The following KANSL3 variants were observed in gnomAD, a reference collection of about 807,000 sequenced individuals.
KANSL3 encodes KAT8 regulatory NSL complex subunit 3, also known as NSL complex protein NSL3.
In KANSL3, 16 loss-of-function variants were observed where a neutral mutation model predicts 89.2. The observed-to-expected ratio is 0.18, with a 90% confidence interval of 0.12 to 0.27. The LOEUF (loss-of-function observed/expected upper bound fraction) is 0.27, where lower values mean the gene tolerates loss of function less well. Ranked by LOEUF, KANSL3 falls within the 10% of genes least tolerant of loss-of-function variation. The probability of loss-of-function intolerance (pLI) is 1.00; values close to 1 mark genes in which losing one functional copy is unlikely to be tolerated. For synonymous variants in KANSL3, 385 were observed against 419.7 expected, an observed-to-expected ratio of 0.92 and a Z score of 1.01; for missense variants, 879 against 1,110.6, an observed-to-expected ratio of 0.79 and a Z score of 2.96.
the KANSL3 span, among the ~76,000 whole-genome samples, chr2:96,583,979 T>C: frequency 6.6e-6 from 1 of 152,232 alleles, no homozygotes; most frequent in Admixed American, 6.5e-5. Flanking sequence ...CTGAAAACTC[T>C]TTCATGTGCA....
chr2:96,608,574 T>C lies in KANSL3; in HGVS notation c.1675A>G (p.Ser559Gly). ...TSAQKSSQIG[S>G]SQLLKRHVQR... ...ACATGTCTCTTCAGCAGCTGAGAAC[T>C]TCCAATCTGACTGGACTTCTGGGCA... The change falls in exon 14 of 21, where the codon AGT (serine) becomes GGT (glycine). Residue 559 changes from serine (S) to glycine (G), a missense_variant. Coordinates refer to ENST00000431828, the MANE Select transcript of KANSL3 (RefSeq NM_001115016.3). The C allele has an allele frequency of 6.2e-7, 1 of 1,614,010 alleles. No individual in the cohort carries two copies. Among genetic ancestry groups the C allele is most frequent in the South Asian group, 1.1e-5 (1 of 91,076 alleles).
chr2:96,602,684 C>T, intron 18 of KANSL3, 69 bp downstream of exon 18: 1 of 1,331,326 alleles, frequency 7.5e-7, no homozygotes, highest in East Asian at 2.4e-5. Context: ...AGTTTCCCTG[C>T]CAAAACCAAC....
At chr2:96,581,260 C>T in the KANSL3 span, among the ~76,000 whole-genome samples, 1 of 152,188 alleles carries the variant, frequency 6.6e-6, no homozygotes, top group Non-Finnish European at 1.5e-5. Context: ...CCCATCTCTA[C>T]TAAAAATACA....
Position 96,622,253 on chromosome 2 carries a change from G to C in KANSL3, c.387-2491C>G, listed in dbSNP as rs536333475. ...AGCTTGGGCAACAAAGTGAGACCTT[G>C]TCTACTGAAAATCAAAAAATTAGCC... is the stretch of plus-strand genomic sequence containing the variant. On this transcript the variant is annotated intron_variant, in intron 3 of 20. Coordinates refer to ENST00000431828, the MANE Select transcript of KANSL3 (RefSeq NM_001115016.3). 2.2e-3 allele frequency among the ~76,000 whole-genome samples: 333 copies of C among 152,186 alleles called. 2 individuals are homozygous for C. The highest frequency in any genetic ancestry group is 7.8e-3 in the African/African-American group (322 of 41,526).
At position 96,609,493 on chromosome 2, in the gene KANSL3, G is replaced by A. The variant is rs750861191; in HGVS notation, c.1383+6C>T. The A allele has an allele frequency of 3.1e-6, 5 of 1,613,262 alleles. No homozygotes were observed. In the East Asian group the frequency reaches 1.1e-4, roughly 36 times the overall value. On this transcript the variant is annotated splice_donor_region_variant and intron_variant, in intron 12 of 20. Coordinates refer to ENST00000431828, the MANE Select transcript of KANSL3 (RefSeq NM_001115016.3). ...GCTGAGAAAAGCACACAAAACAACT[G>A]TTTACCTGAATACATCTGTCCACCA...
chr2:96,626,851 C>G (rs1243849659), intron 3 of KANSL3, among the ~76,000 whole-genome samples: 1 of 152,190 alleles, frequency 6.6e-6, no homozygotes, highest in East Asian at 1.9e-4. Context: ...AGAGGCCGGA[C>G]AGAAAATGTT....
intron 1 of KANSL3, chr2:96,637,956 A>T (rs2074484923): frequency 6.6e-6 from 1 of 152,272 alleles, no homozygotes; most frequent in Non-Finnish European, 1.5e-5. Flanking sequence ...CGCATTTTAC[A>T]GACGAAGTCG....
intron 20 of KANSL3, among the ~76,000 whole-genome samples, chr2:96,600,103 C>T (rs896137229): frequency 3.3e-5 from 5 of 152,182 alleles, no homozygotes; most frequent in Non-Finnish European, 1.5e-5. Flanking sequence ...CATACATCTA[C>T]TCAGTGAAAT....
intron 15 of KANSL3, 30 bp downstream of exon 15, chr2:96,605,290 T>A: frequency 6.3e-7 from 1 of 1,581,090 alleles, no homozygotes; most frequent in East Asian, 2.3e-5. Context: ...GAGAGCTCAG[T>A]TCTCATTTAA....
At chr2:96,602,004 C>T in intron 19 of KANSL3, 112 bp downstream of exon 19, 3 of 1,219,064 alleles carry the variant, frequency 2.5e-6, no homozygotes, top group Non-Finnish European at 3.4e-6. Flanking sequence ...AGGTCAATGC[C>T]AGGACCCTGT....
downstream of KANSL3, among the ~76,000 whole-genome samples, chr2:96,591,852 G>A (rs1043886388): frequency 1.4e-5 from 2 of 140,690 alleles, no homozygotes; most frequent in Non-Finnish European, 3.0e-5. Flanking sequence ...TTGAGGTCAC[G>A]AGGCAAGTAC....
chr2:96,580,606 CT>C, the KANSL3 span, among the ~76,000 whole-genome samples: 1 of 152,158 alleles, frequency 6.6e-6, no homozygotes, highest in Non-Finnish European at 1.5e-5. Context: ...TGTTCTATTT[CT>C]TACCTGTATG....
chr2:96,637,451 C>G (rs965669561), intron 1 of KANSL3, among the ~76,000 whole-genome samples: 2 of 152,200 alleles, frequency 1.3e-5, no homozygotes, highest in Non-Finnish European at 2.9e-5. Flanking sequence ...CCCCAAGGTT[C>G]AGAAAGACCT....
At chr2:96,617,769 G>A (rs1203316464) in intron 5 of KANSL3, among the ~76,000 whole-genome samples, 1 of 151,802 alleles carries the variant, frequency 6.6e-6, no homozygotes, top group Non-Finnish European at 1.5e-5. Flanking sequence ...AGGCCGAGGC[G>A]GGCGGATCAC....
intron 2 of KANSL3, chr2:96,634,297 G>A (rs1401021028): frequency 6.6e-6 from 1 of 152,246 alleles, no homozygotes; most frequent in African/African-American, 2.4e-5. Flanking sequence ...CGAGGCAGGT[G>A]GATTGCTTAA....
the KANSL3 span, among the ~76,000 whole-genome samples, chr2:96,586,224 CAAA>C: frequency 8.5e-3 from 521 of 61,546 alleles, 2 homozygotes; most frequent in African/African-American, 0.028. Flanking sequence ...GACTCAGTCT[CAAA>C]AAAAAAAAAA....
chr2:96,607,049 T>C, intron 14 of KANSL3: 1 of 1,287,852 alleles, frequency 7.8e-7, no homozygotes, highest in Non-Finnish European at 1.0e-6. Flanking sequence ...CAAACTGTGC[T>C]GGAATGAATC....
chr2:96,609,265 CA>C (rs2068484075), intron 12 of KANSL3, among the ~76,000 whole-genome samples: 3 of 152,318 alleles, frequency 2.0e-5, no homozygotes, highest in Admixed American at 6.5e-5. Context: ...GTGCCTCTGT[CA>C]GGGGGAGCTC....
chr2:96,637,373 T>G, intron 1 of KANSL3, 188 bp from the exon 2 acceptor site: 1 of 505,736 alleles, frequency 2.0e-6, no homozygotes, highest in Non-Finnish European at 3.5e-6. Flanking sequence ...AAAAAAACTA[T>G]GGTGCCACGA....
Sources: gnomAD v4.1 joint callset for allele counts (sites outside exome capture counted in the v4.1 genomes callset) on GRCh38, gnomAD v4.1.1 for gene constraint, MANE v1.5 for transcripts, NCBI Gene and HGNC (gene_info 2026-07-23, HGNC 2026-07-21) for gene names.